The following CLIP1 variants were observed in gnomAD, a reference collection of about 807,000 sequenced individuals.
CLIP1 encodes the protein CAP-Gly domain-containing linker protein 1.
In CLIP1, 66 loss-of-function variants were observed where a neutral mutation model predicts 161.6. The ratio of observed to expected loss-of-function variants is 0.41; its 90% CI spans 0.33 to 0.50. The LOEUF (loss-of-function observed/expected upper bound fraction) is 0.50, where lower values mean the gene tolerates loss of function less well. Among genes scored for constraint, CLIP1 ranks in the 20% least tolerant of loss-of-function variants. CLIP1 has a pLI of 0.27. For synonymous variants in CLIP1, 598 were observed against 626.2 expected (o/e 0.96, Z 0.67); for missense variants, 1,376 against 1,702.0 (o/e 0.81, Z 3.37).
At chr12:122,305,104 C>T (rs934136250) in intron 20 of CLIP1, among the ~76,000 whole-genome samples, 1 of 152,194 alleles carries the variant, frequency 6.6e-6, no homozygotes, top group African/African-American at 2.4e-5. Context: ...CCTCATTCTA[C>T]AAATAGCCAG....
intron 1 of CLIP1, among the ~76,000 whole-genome samples, chr12:122,389,464 A>G: frequency 6.6e-6 from 1 of 152,190 alleles, no homozygotes; most frequent in East Asian, 1.9e-4. Flanking sequence ...CTAAGCCCAA[A>G]GAATTTATAA....
intron 1 of CLIP1, among the ~76,000 whole-genome samples, chr12:122,405,832 G>A (rs1956309108): frequency 6.6e-6 from 1 of 151,888 alleles, no homozygotes; most frequent in Non-Finnish European, 1.5e-5. Context: ...ACTTTGGGAG[G>A]ACAAGGCGAG....
At chr12:122,384,418 G>C (rs958512002) in intron 1 of CLIP1, among the ~76,000 whole-genome samples, 1 of 152,138 alleles carries the variant, frequency 6.6e-6, no homozygotes, top group African/African-American at 2.4e-5. Flanking sequence ...CAGGAATAAA[G>C]AGAATGACGA....
intron 1 of CLIP1, among the ~76,000 whole-genome samples, chr12:122,413,350 A>G (rs1413247077): frequency 6.6e-6 from 1 of 152,206 alleles, no homozygotes; most frequent in East Asian, 1.9e-4. Context: ...AAGACTTATT[A>G]TATTGCCTCC....
chr12:122,422,829 G>A (rs1400484505), upstream of CLIP1, among the ~76,000 whole-genome samples: 5 of 149,086 alleles, frequency 3.4e-5, no homozygotes, highest in South Asian at 8.5e-4. Context: ...CGCGGCCCCG[G>A]GAGGACCCTG....
rs186657941 is a variant in CLIP1, at chr12:122,349,798, G to A, written c.1401+1313C>T. Among the ~76,000 whole-genome samples the A allele has an allele frequency of 4.9e-4, 75 of 152,334 alleles. No individual in the cohort carries two copies. In the Middle Eastern group the frequency reaches 0.014, roughly 28 times the overall value. On this transcript the variant is annotated intron_variant, in intron 9 of 25. Coordinates refer to ENST00000620786, the MANE Select transcript of CLIP1 (RefSeq NM_001247997.2). ...ACCGGGGGCAGCGGGAGCCTGTTTC[G>A]GAAGGAGAGAAGAGACCCAGATCAC...
intron 20 of CLIP1, among the ~76,000 whole-genome samples, chr12:122,296,311 T>C (rs952981954): frequency 6.6e-6 from 1 of 152,238 alleles, no homozygotes; most frequent in Non-Finnish European, 1.5e-5. Context: ...CACCCAACTA[T>C]ACACCTATGA....
chr12:122,310,441 G>A (rs1364220145), intron 19 of CLIP1, among the ~76,000 whole-genome samples: 1 of 152,184 alleles, frequency 6.6e-6, no homozygotes, highest in Non-Finnish European at 1.5e-5. Flanking sequence ...AGGAAATATA[G>A]TTTCCTAATT....
At chr12:122,330,230 A>G (rs1262277472) in intron 15 of CLIP1, among the ~76,000 whole-genome samples, 1 of 152,212 alleles carries the variant, frequency 6.6e-6, no homozygotes, top group Non-Finnish European at 1.5e-5. Flanking sequence ...TTATAGCCAC[A>G]AAATACCTAC....
At chr12:122,310,363 T>A (rs1050511504) in intron 19 of CLIP1, among the ~76,000 whole-genome samples, 2 of 152,248 alleles carry the variant, frequency 1.3e-5, no homozygotes, top group Non-Finnish European at 2.9e-5. Context: ...TTTACCAGTA[T>A]CTGTCAGAGT....
intron 17 of CLIP1, among the ~76,000 whole-genome samples, chr12:122,326,712 C>T (rs1046026242): frequency 9.9e-5 from 15 of 151,948 alleles, no homozygotes. Flanking sequence ...GACCTTACAT[C>T]AGCTTCTGCG....
At chr12:122,313,557 T>C (rs946098217) in intron 19 of CLIP1, among the ~76,000 whole-genome samples, 14 of 151,702 alleles carry the variant, frequency 9.2e-5, no homozygotes, top group African/African-American at 2.9e-4. Flanking sequence ...AGAAACCCCG[T>C]CTCTACTAAA....
rs560327955 is a variant in CLIP1 at position 122,403,610 on chromosome 12, C to T, written c.-107+18911G>A. ...CTCGACTCACTGCAACCTCTGCCTC[C>T]TGGGTTCAAGCGATTCTCCTGCCTC... is the stretch of plus-strand genomic sequence containing the variant. On this transcript the variant is annotated intron_variant, in intron 1 of 25. Transcript: ENST00000620786. Among the ~76,000 whole-genome samples, 117 of 150,410 alleles carry T rather than the reference C, an allele frequency of 7.8e-4. 1 individual carries two copies. The highest frequency in any genetic ancestry group is 3.4e-3 in the Middle Eastern group (1 of 292).
At chr12:122,354,878 A>G (rs77323617) in intron 6 of CLIP1, 741 of 590,126 alleles carry the variant, frequency 1.3e-3, no homozygotes, top group African/African-American at 7.8e-3. Context: ...AGACAGGCCA[A>G]AAGACCCGGA....
In CLIP1 at chr12:122,351,206, A is replaced by G. The variant is rs192594621; in HGVS notation, c.1369-63T>C. ...AAAAAGAGATTCCAATAAAGCTTCA[A>G]TATGTGTTAGGGTTTCAAGATAACT... On this transcript the variant is annotated intron_variant, in intron 8 of 25. Coordinates refer to ENST00000620786, the MANE Select transcript of CLIP1 (RefSeq NM_001247997.2). The G allele has an allele frequency of 4.7e-5, 48 of 1,024,620 alleles. No individual in the cohort carries two copies. In the Middle Eastern group the frequency reaches 8.0e-4, roughly 17 times the overall value. 63.5% of individuals were successfully genotyped at this position (1,024,620 alleles called of 1,614,324 possible). A position where few individuals can be genotyped will look rare whatever the true frequency, so the allele number is the denominator to read the frequency against.
In CLIP1 at chr12:122,341,345, A is replaced by G. The variant is rs765209495; in HGVS notation, c.1859T>C (p.Ile620Thr). ...EHANKENSDVIALWKSKLETA... is the reference protein window; with the variant it reads ...EHANKENSDVTALWKSKLETA... ...CTCCAGTTTGGACTTCCATAGAGCT[A>G]TCACATCTGAGTTCTCTTTGTTGGC... The change falls in exon 11 of 26, where the codon ATA (isoleucine) becomes ACA (threonine). Residue 620 changes from isoleucine (I) to threonine (T), a missense_variant. Transcript: ENST00000620786. 5.6e-6 allele frequency: 9 copies of G among 1,613,970 alleles called. No homozygotes were observed. The highest frequency in any genetic ancestry group is 3.3e-5 in the Admixed American group (2 of 59,980).
At chr12:122,410,123 C>G (rs1157767150) in intron 1 of CLIP1, among the ~76,000 whole-genome samples, 2 of 151,730 alleles carry the variant, frequency 1.3e-5, no homozygotes, top group African/African-American at 2.4e-5. Flanking sequence ...CCACCCACCT[C>G]AGCCTCCCAA....
chr12:122,365,674 A>G, intron 3 of CLIP1: 1 of 567,262 alleles, frequency 1.8e-6, no homozygotes, highest in East Asian at 3.1e-5. Flanking sequence ...CCTCTGGGCT[A>G]TTTAAAAAAA....
chr12:122,359,605 T>G (rs376914329), intron 5 of CLIP1, among the ~76,000 whole-genome samples: 1 of 152,332 alleles, frequency 6.6e-6, no homozygotes, highest in African/African-American at 2.4e-5. Flanking sequence ...ATTTTTCTGT[T>G]GAAGATGCAG....
Sources: gnomAD v4.1 joint callset for allele counts (sites outside exome capture counted in the v4.1 genomes callset) on GRCh38, gnomAD v4.1.1 for gene constraint, MANE v1.5 for transcripts, NCBI Gene and HGNC (gene_info 2026-07-23, HGNC 2026-07-21) for gene names.